The following CMSS1 variants were observed in gnomAD, a reference collection of about 807,000 sequenced individuals.
CMSS1 encodes protein CMSS1.
A neutral mutation model predicts 43.5 loss-of-function variants in CMSS1; 33 were observed. The ratio of observed to expected loss-of-function variants is 0.76; its 90% CI spans 0.57 to 1.01. CMSS1 has a LOEUF of 1.01. Among genes scored for constraint, CMSS1 ranks in the 50% least tolerant of loss-of-function variants. CMSS1 has a pLI of 0.00. For synonymous variants in CMSS1, 115 were observed against 117.2 expected (o/e 0.98, Z 0.12); for missense variants, 313 against 326.4 (o/e 0.96, Z 0.32).
chr3:100,052,526 A>G (rs1392503872), intron 1 of CMSS1, among the ~76,000 whole-genome samples: 1 of 152,184 alleles, frequency 6.6e-6, no homozygotes, highest in Admixed American at 6.5e-5. Flanking sequence ...CTGAACCTCT[A>G]AGTGAAACTG....
chr3:100,055,439 A>C (rs2065448928), intron 1 of CMSS1, among the ~76,000 whole-genome samples: 2 of 152,200 alleles, frequency 1.3e-5, no homozygotes, highest in Admixed American at 6.5e-5. Context: ...ACACTGTGAC[A>C]ATCACTGTCT....
In CMSS1 at chr3:100,069,782, A is replaced by G. The variant is rs148051016; in HGVS notation, c.65-77191A>G. On this transcript the variant is annotated intron_variant, in intron 1 of 9. Coordinates refer to ENST00000421999, the MANE Select transcript of CMSS1 (RefSeq NM_032359.4). ...AGAATTTGTGGTAAGAGGAGGTGGCAGAATGGAGGGCCAGTCTATTTGTGA... is the reference window on the plus strand; with the variant it reads ...AGAATTTGTGGTAAGAGGAGGTGGCGGAATGGAGGGCCAGTCTATTTGTGA... 7.2e-3 allele frequency among the ~76,000 whole-genome samples: 1,100 copies of G among 152,324 alleles called. 18 individuals are homozygous for G. Among genetic ancestry groups the G allele is most frequent in the African/African-American group, 0.024 (1,014 of 41,576 alleles).
intron 1 of CMSS1, among the ~76,000 whole-genome samples, chr3:99,820,867 T>A (rs1942422596): frequency 6.6e-6 from 1 of 152,234 alleles, no homozygotes; most frequent in South Asian, 2.1e-4. Context: ...AAATAATATG[T>A]TAAATCAGAG....
chr3:99,833,631 T>G (rs1043954736), intron 1 of CMSS1, among the ~76,000 whole-genome samples: 1 of 152,246 alleles, frequency 6.6e-6, no homozygotes, highest in Non-Finnish European at 1.5e-5. Flanking sequence ...TGTAAGTGCT[T>G]TGAACTTTTT....
chr3:99,882,833 G>A (rs576148876), intron 1 of CMSS1, among the ~76,000 whole-genome samples: 1 of 152,234 alleles, frequency 6.6e-6, no homozygotes, highest in Admixed American at 6.5e-5. Flanking sequence ...TCTACTTTAT[G>A]GATTAGAAAT....
intron 1 of CMSS1, among the ~76,000 whole-genome samples, chr3:99,896,818 C>CT (rs1315598097): frequency 2.6e-5 from 4 of 152,036 alleles, no homozygotes; most frequent in African/African-American, 9.7e-5. Context: ...GCAATGTTGC[C>CT]TACTAATAAA....
intron 1 of CMSS1, among the ~76,000 whole-genome samples, chr3:99,996,114 C>T (rs558958054): frequency 6.6e-6 from 1 of 152,250 alleles, no homozygotes; most frequent in South Asian, 2.1e-4. Flanking sequence ...GCTCTGCTTC[C>T]CTTACAAAAC....
chr3:100,057,545 G>C (rs1559742329), intron 1 of CMSS1, among the ~76,000 whole-genome samples: 1 of 152,148 alleles, frequency 6.6e-6, no homozygotes. Flanking sequence ...TAAAGTTCTC[G>C]TGATATGTCT....
At chr3:99,849,186 C>T in intron 1 of CMSS1, 1 of 1,614,174 alleles carries the variant, frequency 6.2e-7, no homozygotes, top group Non-Finnish European at 8.5e-7. Context: ...GATTCTCACT[C>T]TCCTCATATA....
intron 1 of CMSS1, among the ~76,000 whole-genome samples, chr3:100,068,124 A>G (rs1012227700): frequency 2.0e-4 from 30 of 152,372 alleles, no homozygotes; most frequent in Admixed American, 4.6e-4. Context: ...TAAAACTCCA[A>G]GGCAATCAGA....
At position 100,162,413 on chromosome 3, in the gene CMSS1, A is replaced by G; in HGVS notation, c.336A>G (p.Leu112=). Residue 112 remains leucine, a synonymous_variant, in exon 4 of 10, where the codon TTA becomes TTG. Transcript: ENST00000421999. The part of the protein sequence containing the change: ...YYSSRRLVIE[L]EELNLPDSCF... ...GCAGCAGACGCTTGGTGATTGAATT[A>G]GAAGAACTGAACCTGCCAGGTATAG... is the stretch of plus-strand genomic sequence containing the variant. 6.2e-7 allele frequency: 1 copy of G among 1,613,006 alleles called. No individual in the cohort carries two copies. Among genetic ancestry groups the G allele is most frequent in the Non-Finnish European group, 8.5e-7 (1 of 1,179,252 alleles).
rs79719015 is a variant in CMSS1 at position 100,047,647 on chromosome 3, G to A, written c.65-99326G>A. ...AACTGCAGGTGTCTGTCAAGAGACA[G>A]TAGAGTTTTGTCCTTCTGGAAGCCT... On this transcript the variant is annotated intron_variant, in intron 1 of 9. Coordinates refer to ENST00000421999, the MANE Select transcript of CMSS1 (RefSeq NM_032359.4). Among the ~76,000 whole-genome samples, 79 of 152,324 alleles carry A rather than the reference G, an allele frequency of 5.2e-4. 1 individual carries two copies. In the East Asian group the frequency reaches 0.013, roughly 25 times the overall value.
intron 1 of CMSS1, among the ~76,000 whole-genome samples, chr3:100,125,821 G>A (rs181278487): frequency 9.9e-5 from 15 of 152,276 alleles, no homozygotes; most frequent in African/African-American, 2.6e-4. Flanking sequence ...GAAACTGGAG[G>A]GTTGAGTGAG....
At chr3:100,078,884 C>T (rs2065891283) in intron 1 of CMSS1, among the ~76,000 whole-genome samples, 1 of 151,866 alleles carries the variant, frequency 6.6e-6, no homozygotes, top group Admixed American at 6.6e-5. Flanking sequence ...GAGTGGGACT[C>T]CATATCAAAA....
intron 1 of CMSS1, among the ~76,000 whole-genome samples, chr3:100,019,727 A>T (rs563362767): frequency 6.6e-6 from 1 of 152,144 alleles, no homozygotes; most frequent in East Asian, 1.9e-4. Flanking sequence ...TTTGTGTAAG[A>T]CTGCGATTCA....
At chr3:99,886,499 C>A (rs1414163561) in intron 1 of CMSS1, among the ~76,000 whole-genome samples, 1 of 152,018 alleles carries the variant, frequency 6.6e-6, no homozygotes, top group Non-Finnish European at 1.5e-5. Flanking sequence ...TGTCCTGGGT[C>A]ACTTGCAACC....
Position 100,067,605 on chromosome 3 carries a change from G to A in CMSS1, c.65-79368G>A, listed in dbSNP as rs184311141. ...TATTTAATGTAAATATAAGCCCTTA[G>A]GGGGAAAGAAGAACAACTAGAATTC... On this transcript the variant is annotated intron_variant, in intron 1 of 9. Coordinates refer to ENST00000421999, the MANE Select transcript of CMSS1 (RefSeq NM_032359.4). Among the ~76,000 whole-genome samples, 372 of 152,272 alleles carry A rather than the reference G, an allele frequency of 2.4e-3. 1 individual carries two copies. Among genetic ancestry groups the A allele is most frequent in the African/African-American group, 8.4e-3 (350 of 41,534 alleles).
At chr3:99,978,886 C>CAA (rs200216895) in intron 1 of CMSS1, among the ~76,000 whole-genome samples, 1 of 140,814 alleles carries the variant, frequency 7.1e-6, no homozygotes, top group African/African-American at 2.6e-5. Context: ...CTCTTGTTTA[C>CAA]AAAAAAAAAA....
intron 1 of CMSS1, among the ~76,000 whole-genome samples, chr3:100,117,656 G>A (rs528030446): frequency 6.6e-6 from 1 of 151,034 alleles, no homozygotes; most frequent in East Asian, 1.9e-4. Flanking sequence ...AAAGACATTA[G>A]AAAACAACTA....
Sources: allele counts gnomAD v4.1 joint callset (sites outside exome capture counted in the v4.1 genomes callset), GRCh38; gene constraint gnomAD v4.1.1; transcripts MANE v1.5; gene names NCBI Gene and HGNC (gene_info 2026-07-23, HGNC 2026-07-21).